Variants in EYS observed in about 807,000 individuals in gnomAD.
The protein encoded by EYS is protein eyes shut homolog.
EYS carries 250 observed loss-of-function variants against 282.1 expected under a neutral mutation model. The ratio of observed to expected loss-of-function variants is 0.89; its 90% CI spans 0.80 to 0.98. The LOEUF (loss-of-function observed/expected upper bound fraction) is 0.98. Among genes scored for constraint, EYS ranks in the 50% least tolerant of loss-of-function variants. EYS has a pLI of 0.00. For missense variants in EYS, 4,016 were observed against 3,709.0 expected, an observed-to-expected ratio of 1.08 and a Z score of -2.15; for synonymous variants, 1,355 against 1,282.9, an observed-to-expected ratio of 1.06 and a Z score of -1.20.
intron 22 of EYS, among the ~76,000 whole-genome samples, chr6:64,787,993 T>A (rs1250340951): frequency 6.6e-6 from 1 of 152,070 alleles, no homozygotes; most frequent in Non-Finnish European, 1.5e-5. Flanking sequence ...TATCTGAGTA[T>A]AATAATTATA....
At chr6:64,433,537 A>C (rs1314215915) in intron 28 of EYS, among the ~76,000 whole-genome samples, 1 of 151,976 alleles carries the variant, frequency 6.6e-6, no homozygotes, top group Non-Finnish European at 1.5e-5. Context: ...CAAACCAAAA[A>C]CCTGAGAAGA....
At chr6:65,362,437 G>A (rs927962019) in intron 8 of EYS, among the ~76,000 whole-genome samples, 2 of 151,946 alleles carry the variant, frequency 1.3e-5, no homozygotes, top group Non-Finnish European at 2.9e-5. Flanking sequence ...CTATTTGGGA[G>A]TAAAGTAAAA....
chr6:64,911,152 CT>C (rs1474505882), intron 16 of EYS, among the ~76,000 whole-genome samples: 3 of 152,044 alleles, frequency 2.0e-5, no homozygotes, highest in African/African-American at 7.2e-5. Context: ...ACAAGTTTCA[CT>C]CTCAGTGCTT....
intron 37 of EYS, among the ~76,000 whole-genome samples, chr6:63,794,211 T>C: frequency 6.6e-6 from 1 of 152,210 alleles, no homozygotes; most frequent in East Asian, 1.9e-4. Context: ...TAGCACATAG[T>C]AGGTACTCAA....
At chr6:63,884,764 A>G (rs796408919) in intron 35 of EYS, among the ~76,000 whole-genome samples, 1 of 152,324 alleles carries the variant, frequency 6.6e-6, no homozygotes, top group African/African-American at 2.4e-5. Flanking sequence ...AATACTTTAT[A>G]TTAACATAGG....
chr6:65,177,919 T>A (rs1013113139), intron 12 of EYS, among the ~76,000 whole-genome samples: 1 of 151,796 alleles, frequency 6.6e-6, no homozygotes, highest in Non-Finnish European at 1.5e-5. Flanking sequence ...ATGAGAATGA[T>A]TTTTTTTCTC....
At chr6:64,513,855 G>A (rs970190034) in intron 26 of EYS, among the ~76,000 whole-genome samples, 2 of 151,772 alleles carry the variant, frequency 1.3e-5, no homozygotes, top group Non-Finnish European at 2.9e-5. Flanking sequence ...TAGATCTAAT[G>A]AGAAAGACTA....
intron 2 of EYS, among the ~76,000 whole-genome samples, chr6:65,504,275 A>T (rs1766569245): frequency 6.6e-6 from 1 of 151,666 alleles, no homozygotes; most frequent in Non-Finnish European, 1.5e-5. Context: ...AAAGCAGTTG[A>T]CTTTGTATAC....
At chr6:64,406,761 C>A (rs1166771091) in intron 28 of EYS, among the ~76,000 whole-genome samples, 3 of 152,226 alleles carry the variant, frequency 2.0e-5, no homozygotes, top group African/African-American at 7.2e-5. Context: ...GAGATACCAT[C>A]TCATGCCAGT....
At chr6:64,310,826 T>C (rs1342653778) in intron 29 of EYS, among the ~76,000 whole-genome samples, 1 of 152,120 alleles carries the variant, frequency 6.6e-6, no homozygotes, top group Non-Finnish European at 1.5e-5. Context: ...ATGGGAAGAC[T>C]GGACTGAATT....
chr6:64,137,638 G>A (rs1045254341), intron 31 of EYS, among the ~76,000 whole-genome samples: 1 of 152,124 alleles, frequency 6.6e-6, no homozygotes, highest in Non-Finnish European at 1.5e-5. Flanking sequence ...CAGAGAGAGA[G>A]AAAGGAGAAT....
At chr6:65,329,003 GA>G (rs1769701957) in intron 11 of EYS, among the ~76,000 whole-genome samples, 1 of 150,992 alleles carries the variant, frequency 6.6e-6, no homozygotes, top group South Asian at 2.1e-4. Context: ...AAAATAATTT[GA>G]AAAGCAATGC....
In EYS at chr6:64,971,286, G is replaced by A. The variant is rs1232584210; in HGVS notation, c.2260-25372C>T. ...TTTGCCTGAACAAATGCAGATGAAA[G>A]TGTCCTATTCTAGAAAAAAAAAAAG... On this transcript the variant is annotated intron_variant, in intron 14 of 42. Transcript: ENST00000503581. 1.8e-4 allele frequency among the ~76,000 whole-genome samples: 17 copies of A among 95,328 alleles called. No individual in the cohort carries two copies. The South Asian group carries it at 6.8e-3, about 38-fold the overall frequency. 62.5% of individuals were successfully genotyped at this position (95,328 alleles called of 152,430 possible).
Position 65,469,710 on chromosome 6 carries a change from CT to C in EYS, c.862+20883del, listed in dbSNP as rs566960219. On this transcript the variant is annotated intron_variant, in intron 5 of 42. Coordinates refer to ENST00000503581, the MANE Select transcript of EYS (RefSeq NM_001142800.2). ...TAGTACTGGTGAATACCATTCAGCT[CT>C]TTTTTTTAAGTCACAAAAAGCCAGA... Among the ~76,000 whole-genome samples, 86 of 151,842 alleles carry C rather than the reference CT, an allele frequency of 5.7e-4. 1 individual carries two copies. Among genetic ancestry groups the C allele is most frequent in the Middle Eastern group, 3.4e-3 (1 of 294 alleles).
chr6:63,787,733 G>A (rs772507345), intron 39 of EYS, among the ~76,000 whole-genome samples: 30 of 152,116 alleles, frequency 2.0e-4, no homozygotes, highest in Non-Finnish European at 3.4e-4. Context: ...CCTGAGGTCG[G>A]GAGTTCGAGA....
At chr6:64,358,989 GA>G (rs1771920341) in intron 29 of EYS, among the ~76,000 whole-genome samples, 1 of 151,660 alleles carries the variant, frequency 6.6e-6, no homozygotes, top group South Asian at 2.1e-4. Flanking sequence ...TGGGCATAAA[GA>G]GGGAGAATTT....
Position 64,686,742 on chromosome 6 carries a change from A to AATATATATATATATATATGTGTAT in EYS, c.3444-60498_3444-60497insATACACATATATATATATATATAT, listed in dbSNP as rs1562133589. The stretch of plus-strand genomic sequence containing the variant: ...GGGCGACAGAGCAAGATTCCATCTA[A>AATATATATATATATATATGTGTAT]ATATATATATATATATATATGTGTG... On this transcript the variant is annotated intron_variant, in intron 22 of 42. Coordinates refer to ENST00000503581, the MANE Select transcript of EYS (RefSeq NM_001142800.2). 3.4e-3 allele frequency among the ~76,000 whole-genome samples: 116 copies of AATATATATATATATATATGTGTAT among 33,724 alleles called. 12 individuals are homozygous for AATATATATATATATATATGTGTAT. Among genetic ancestry groups the AATATATATATATATATATGTGTAT allele is most frequent in the Middle Eastern group, 0.031 (2 of 64 alleles). 22.1% of individuals were successfully genotyped at this position (33,724 alleles called of 152,430 possible). A position where few individuals can be genotyped will look rare whatever the true frequency, so the allele number is the denominator to read the frequency against.
chr6:63,756,113 C>T (rs1377868654), intron 41 of EYS, among the ~76,000 whole-genome samples: 1 of 152,046 alleles, frequency 6.6e-6, no homozygotes, highest in Non-Finnish European at 1.5e-5. Context: ...TAATTGAATA[C>T]CTTTATTTCT....
chr6:64,494,977 AT>A (rs887620434), intron 26 of EYS, among the ~76,000 whole-genome samples: 1 of 151,702 alleles, frequency 6.6e-6, no homozygotes, highest in Non-Finnish European at 1.5e-5. Flanking sequence ...ACTCTTGATT[AT>A]TCTGTTACTA....
Sources: allele counts gnomAD v4.1 joint callset (sites outside exome capture counted in the v4.1 genomes callset), GRCh38; gene constraint gnomAD v4.1.1; transcripts MANE v1.5; gene names NCBI Gene and HGNC (gene_info 2026-07-23, HGNC 2026-07-21).